TBC1D1: variants seen among roughly 807,000 people sequenced by gnomAD.
The protein encoded by TBC1D1 is TBC1 domain family member 1.
Under a neutral mutation model 125.6 loss-of-function variants are expected in TBC1D1, and 89 were observed. The observed-to-expected ratio is 0.71, with a 90% CI of 0.60 to 0.85. The LOEUF (loss-of-function observed/expected upper bound fraction) is 0.85, where lower values mean the gene tolerates loss of function less well. Ranked by LOEUF, TBC1D1 falls within the 40% of genes least tolerant of loss-of-function variation. The pLI is 0.00. For missense variants in TBC1D1, 1,377 were observed against 1,469.2 expected (o/e 0.94, Z 1.03); for synonymous variants, 565 against 564.1 (o/e 1.00, Z -0.02).
Position 38,137,193 on chromosome 4 carries a change from A to C in TBC1D1, c.3365A>C (p.Glu1122Ala), listed in dbSNP as rs774644471. 3 of 1,613,278 alleles carry C rather than the reference A, an allele frequency of 1.9e-6. No individual in the cohort carries two copies. In the South Asian group the frequency reaches 3.3e-5, roughly 18 times the overall value. ...ACCATTGAGAAGCTCCTGAGCAGTGAGAGCAAGCTGAAGCAGGCCATGCTT... is the reference window on the plus strand; with the variant it reads ...ACCATTGAGAAGCTCCTGAGCAGTGCGAGCAAGCTGAAGCAGGCCATGCTT... Residue 1122 changes from glutamate (E) to alanine (A), a missense_variant, in exon 20 of 20, where the codon GAG becomes GCG. Physicochemically the swap from Glu to Ala is moderately radical, Grantham distance 107 (BLOSUM62 -1). This residue lies in a region of TBC1D1 where 543 missense variants were observed against 613.5 expected (regional missense o/e 0.89). Coordinates refer to ENST00000261439, the MANE Select transcript of TBC1D1 (RefSeq NM_015173.4).
At chr4:38,090,432 C>T (rs992015461) in intron 13 of TBC1D1, among the ~76,000 whole-genome samples, 3 of 149,586 alleles carry the variant, frequency 2.0e-5, no homozygotes, top group Admixed American at 6.7e-5. Flanking sequence ...TTTGTTTTCC[C>T]CTCTGTCTCT....
chr4:38,076,862 G>C (rs750063971), intron 12 of TBC1D1, among the ~76,000 whole-genome samples: 2 of 151,934 alleles, frequency 1.3e-5, no homozygotes, highest in Non-Finnish European at 2.9e-5. Flanking sequence ...GGGAAAAATT[G>C]GGCTCCTTTT....
In TBC1D1 at chr4:38,052,167, C is replaced by CTGTGTGTGTGTGTGTGTGTGTGTG. The variant is rs58659939; in HGVS notation, c.1911-2027_1911-2004dup. On this transcript the variant is annotated intron_variant, in intron 11 of 19. Transcript: ENST00000261439. Reference sequence around the variant, plus strand: ...AATGTCCATGCAGGAAGCAGAGCCACTGTGTGTGTGTGTGTGTGTGTGTGT... The same window carrying CTGTGTGTGTGTGTGTGTGTGTGTG: ...AATGTCCATGCAGGAAGCAGAGCCACTGTGTGTGTGTGTGTGTGTGTGTGTGTGTGTGTGTGTGTGTGTGTGTGT... 65 of 736,666 alleles carry CTGTGTGTGTGTGTGTGTGTGTGTG rather than the reference C, an allele frequency of 8.8e-5. No individual in the cohort carries two copies. In the African/African-American group the frequency reaches 1.1e-3, roughly 13 times the overall value. 45.6% of individuals were successfully genotyped at this position (736,666 alleles called of 1,614,324 possible).
chr4:38,101,811 A>G (rs965152596), intron 14 of TBC1D1, among the ~76,000 whole-genome samples: 2 of 152,082 alleles, frequency 1.3e-5, no homozygotes, highest in African/African-American at 4.8e-5. Flanking sequence ...TAACCCTTCC[A>G]GCCTTCTTGC....
intron 13 of TBC1D1, 31 bp downstream of exon 15, chr4:38,090,148 C>T (rs768755321): frequency 6.2e-7 from 1 of 1,603,048 alleles, no homozygotes; most frequent in Admixed American, 1.7e-5. Context: ...TTGAACAGGC[C>T]TGGTCTTATC....
At chr4:37,912,336 G>A (rs1156985652) in intron 2 of TBC1D1, among the ~76,000 whole-genome samples, 1 of 152,210 alleles carries the variant, frequency 6.6e-6, no homozygotes, top group Non-Finnish European at 1.5e-5. Context: ...AGGATTGAAT[G>A]TATGCTGTAA....
At chr4:37,982,229 C>A (rs1734476160) in intron 2 of TBC1D1, among the ~76,000 whole-genome samples, 1 of 152,212 alleles carries the variant, frequency 6.6e-6, no homozygotes, top group African/African-American at 2.4e-5. Flanking sequence ...GCACAGCAGC[C>A]TTCCTATGTA....
chr4:38,118,241 G>C (rs756565428), intron 17 of TBC1D1, 49 bp downstream of exon 19: 6 of 1,595,160 alleles, frequency 3.8e-6, no homozygotes, highest in Non-Finnish European at 5.1e-6. Flanking sequence ...TCTTATTAGA[G>C]GGGAAACATT....
intron 1 of TBC1D1, among the ~76,000 whole-genome samples, chr4:37,898,924 C>T (rs979652124): frequency 3.3e-5 from 5 of 152,088 alleles, no homozygotes; most frequent in African/African-American, 9.7e-5. Flanking sequence ...TTAAAAGGTG[C>T]ACCAAGGAGG....
intron 2 of TBC1D1, among the ~76,000 whole-genome samples, chr4:37,905,049 T>C (rs1177183406): frequency 6.6e-6 from 1 of 152,220 alleles, no homozygotes; most frequent in Non-Finnish European, 1.5e-5. Flanking sequence ...GCCAGCATCA[T>C]AAACACAAAA....
At chr4:38,032,840 C>CAAA (rs1228708927) in intron 7 of TBC1D1, among the ~76,000 whole-genome samples, 1 of 86,748 alleles carries the variant, frequency 1.2e-5, no homozygotes, top group African/African-American at 3.5e-5. Flanking sequence ...GACTCCATCT[C>CAAA]AAAAAAAAAA....
intron 8 of TBC1D1, among the ~76,000 whole-genome samples, chr4:38,039,355 G>T (rs1344380838): frequency 2.0e-5 from 3 of 151,896 alleles, no homozygotes; most frequent in Non-Finnish European, 4.4e-5. Flanking sequence ...CTGACCTTGT[G>T]ATCTGCCCAC....
At chr4:38,003,129 C>G (rs375097285) in intron 2 of TBC1D1, among the ~76,000 whole-genome samples, 10 of 152,146 alleles carry the variant, frequency 6.6e-5, no homozygotes, top group Non-Finnish European at 1.5e-4. Flanking sequence ...AGCTTTCATT[C>G]GATTTGGTAG....
rs533960199 is a variant in TBC1D1 at position 38,108,820 on chromosome 4, C to T, written c.2557+5663C>T. On this transcript the variant is annotated intron_variant, in intron 15 of 19. Transcript: ENST00000261439. ...CCACAAAAGATGAGAAGTAGGAGAA[C>T]GGTTGGATTTTTTAGAATCCATAAA... is the stretch of plus-strand genomic sequence containing the variant. Among the ~76,000 whole-genome samples the T allele has an allele frequency of 1.2e-4, 18 of 152,308 alleles. No individual in the cohort carries two copies. In the South Asian group the frequency reaches 2.7e-3, roughly 23 times the overall value.
intron 7 of TBC1D1, among the ~76,000 whole-genome samples, chr4:38,032,890 G>A (rs1170801921): frequency 4.6e-5 from 7 of 151,864 alleles, no homozygotes; most frequent in Non-Finnish European, 1.0e-4. Context: ...CTACTATCGA[G>A]GATGGTGAAG....
chr4:38,008,952 G>T (rs1348233758), intron 2 of TBC1D1, among the ~76,000 whole-genome samples: 1 of 152,200 alleles, frequency 6.6e-6, no homozygotes, highest in East Asian at 1.9e-4. Context: ...AGTCCTGTCA[G>T]GCTGAGCTGC....
Position 37,995,865 on chromosome 4 carries a change from T to C in TBC1D1, c.418-18644T>C. 1.7e-6 allele frequency: 1 copy of C among 578,374 alleles called. No individual in the cohort carries two copies. The highest frequency in any genetic ancestry group is 3.4e-6 in the Non-Finnish European group (1 of 293,076). The allele number at this position is 578,374 out of a possible 1,614,324, so 35.8% of individuals were successfully genotyped here. ...CCATGTGATCACCAGAATGCATTTC[T>C]CTTTGAGAATCCAGACTTCTGGCTT... On this transcript the variant is annotated intron_variant, in intron 2 of 19. Coordinates refer to ENST00000261439, the MANE Select transcript of TBC1D1 (RefSeq NM_015173.4). This position sits in a 1 kb window ranked among gnomAD's most constrained non-coding sequence, Gnocchi z 4.3.
intron 8 of TBC1D1, among the ~76,000 whole-genome samples, chr4:38,039,000 A>T (rs980082034): frequency 6.7e-6 from 1 of 150,104 alleles, no homozygotes; most frequent in African/African-American, 2.5e-5. Context: ...TTCGTCTTCT[A>T]GTCAGTCCTC....
At chr4:38,086,389 G>A (rs1050393541) in intron 12 of TBC1D1, among the ~76,000 whole-genome samples, 2 of 152,120 alleles carry the variant, frequency 1.3e-5, no homozygotes, top group African/African-American at 4.8e-5. Flanking sequence ...ATTCTACAGT[G>A]TATAAAACTG....
Sources: allele counts gnomAD v4.1 joint callset (sites outside exome capture counted in the v4.1 genomes callset), GRCh38; gene constraint gnomAD v4.1.1; regional missense constraint gnomAD v4.1.1; non-coding constraint Gnocchi (gnomAD v3.1); transcripts MANE v1.5; gene names NCBI Gene and HGNC (gene_info 2026-07-23, HGNC 2026-07-21).